ASTN2: variants seen among roughly 807,000 people sequenced by gnomAD.
ASTN2 encodes astrotactin 2.
Under a neutral mutation model 139.8 loss-of-function variants are expected in ASTN2, and 54 were observed. The observed-to-expected ratio is 0.39, with a 90% CI of 0.31 to 0.48. The LOEUF is 0.48. Ranked by LOEUF, ASTN2 falls within the 20% of genes least tolerant of loss-of-function variation. ASTN2 has a pLI of 0.95. For missense variants in ASTN2, 1,565 were observed against 1,725.1 expected, an observed-to-expected ratio of 0.91 and a Z score of 1.64; for synonymous variants, 756 against 719.5, an observed-to-expected ratio of 1.05 and a Z score of -0.81.
At chr9:117,014,886 A>T (rs902516427) in intron 6 of ASTN2, among the ~76,000 whole-genome samples, 13 of 152,130 alleles carry the variant, frequency 8.5e-5, no homozygotes, top group African/African-American at 2.9e-4. Context: ...TGACACCATG[A>T]TCTCAAACTT....
intron 7 of ASTN2, among the ~76,000 whole-genome samples, chr9:117,003,185 A>T (rs532851466): frequency 1.3e-5 from 2 of 152,284 alleles, no homozygotes; most frequent in African/African-American, 4.8e-5. Flanking sequence ...TAATTAAACT[A>T]ACAAATTTGG....
At chr9:116,427,063 C>T (rs1847331730) in intron 22 of ASTN2, among the ~76,000 whole-genome samples, 1 of 152,140 alleles carries the variant, frequency 6.6e-6, no homozygotes, top group Non-Finnish European at 1.5e-5. Context: ...GATCTGATGG[C>T]TGCACAGATA....
intron 7 of ASTN2, among the ~76,000 whole-genome samples, chr9:117,004,878 G>T (rs1320213559): frequency 6.6e-6 from 1 of 151,968 alleles, no homozygotes; most frequent in African/African-American, 2.4e-5. Flanking sequence ...TTTCTTTCTG[G>T]CTCCTGTTCT....
At chr9:117,346,309 A>G (rs915135474) in intron 1 of ASTN2, among the ~76,000 whole-genome samples, 3 of 152,204 alleles carry the variant, frequency 2.0e-5, no homozygotes, top group African/African-American at 7.2e-5. Context: ...TTCTGTGCTA[A>G]GTTTCTTGGA....
intron 10 of ASTN2, among the ~76,000 whole-genome samples, chr9:116,886,015 C>T (rs539836364): frequency 3.2e-4 from 49 of 152,292 alleles, no homozygotes; most frequent in African/African-American, 1.1e-3. Flanking sequence ...TTCTGTGCTA[C>T]TATTTAGAGA....
At chr9:117,201,126 T>G (rs935699782) in intron 3 of ASTN2, among the ~76,000 whole-genome samples, 3 of 151,736 alleles carry the variant, frequency 2.0e-5, no homozygotes, top group African/African-American at 7.3e-5. Context: ...TCCAGGAATT[T>G]ATTCATTTCT....
chr9:116,920,273 T>G (rs140455934), intron 10 of ASTN2, among the ~76,000 whole-genome samples: 157 of 152,268 alleles, frequency 1.0e-3, no homozygotes, highest in African/African-American at 3.7e-3. Flanking sequence ...CTCAGATGAG[T>G]AGGGCCAGCT....
At chr9:117,348,882 CAAAA>C (rs58386335) in intron 1 of ASTN2, among the ~76,000 whole-genome samples, 2 of 130,402 alleles carry the variant, frequency 1.5e-5, no homozygotes, top group African/African-American at 2.9e-5. Flanking sequence ...TGTCTCTGTC[CAAAA>C]AAAAAAAAAA....
chr9:117,260,412 T>C (rs1003492101), intron 2 of ASTN2, among the ~76,000 whole-genome samples: 1 of 152,198 alleles, frequency 6.6e-6, no homozygotes, highest in African/African-American at 2.4e-5. Flanking sequence ...GTGCCAAGAT[T>C]GAGGCAAGGT....
At chr9:117,354,638 C>A (rs921078413) in intron 1 of ASTN2, among the ~76,000 whole-genome samples, 6 of 152,174 alleles carry the variant, frequency 3.9e-5, no homozygotes, top group African/African-American at 1.4e-4. Flanking sequence ...CTTACTCCTT[C>A]CCACCAGACC....
At chr9:117,190,307 A>AAAAAC (rs970695822) in intron 3 of ASTN2, among the ~76,000 whole-genome samples, 100 of 152,326 alleles carry the variant, frequency 6.6e-4, no homozygotes, top group African/African-American at 2.1e-3. Context: ...GTAGGCAAGC[A>AAAAAC]AAAACAAAAC....
intron 10 of ASTN2, among the ~76,000 whole-genome samples, chr9:116,889,720 T>TACACACACACAC (rs9299242): frequency 9.5e-5 from 13 of 136,596 alleles, no homozygotes; most frequent in Admixed American, 1.5e-4. Context: ...ACCTTGTCTC[T>TACACACACACAC]ACACACACAC....
chr9:116,660,381 G>C (rs1279467586), intron 16 of ASTN2, among the ~76,000 whole-genome samples: 2 of 152,178 alleles, frequency 1.3e-5, no homozygotes, highest in African/African-American at 4.8e-5. Flanking sequence ...ACAGTGTTTT[G>C]CTTGAGTTTA....
chr9:116,962,551 A>G (rs1423544729), intron 10 of ASTN2, among the ~76,000 whole-genome samples: 1 of 152,212 alleles, frequency 6.6e-6, no homozygotes, highest in Non-Finnish European at 1.5e-5. Flanking sequence ...GAGAGATTGT[A>G]GTATATAGAC....
At chr9:117,002,569 A>T (rs1043540716) in intron 7 of ASTN2, among the ~76,000 whole-genome samples, 36 of 152,294 alleles carry the variant, frequency 2.4e-4, no homozygotes, top group African/African-American at 7.2e-4. Context: ...GTTTTTCTAG[A>T]TCTGCAAAAT....
At chr9:117,245,644 T>G (rs59541937) in intron 2 of ASTN2, among the ~76,000 whole-genome samples, 6,206 of 152,276 alleles carry the variant, frequency 0.041, 429 homozygotes, top group African/African-American at 0.14. Context: ...CTGAATGCAC[T>G]GGGTGATTCA....
At position 116,609,320 on chromosome 9, in the gene ASTN2, C is replaced by A. The variant is rs58041841; in HGVS notation, c.3355+9004G>T. 1.5e-3 allele frequency among the ~76,000 whole-genome samples: 185 copies of A among 120,754 alleles called. 1 individual carries two copies. The highest frequency in any genetic ancestry group is 3.2e-3 in the African/African-American group (90 of 28,226). 79.2% of individuals were successfully genotyped at this position (120,754 alleles called of 152,430 possible). ...GATCTCTCTCTCTCTCTCTCTCTCT[C>A]TCTCTCTCTATATATATATACACAC... On this transcript the variant is annotated intron_variant, in intron 19 of 22. Coordinates refer to ENST00000313400, the MANE Select transcript of ASTN2 (RefSeq NM_001365068.1).
chr9:116,459,307 G>A (rs67624512), intron 20 of ASTN2, among the ~76,000 whole-genome samples: 42,662 of 151,784 alleles, frequency 0.28, 6,547 homozygotes, highest in East Asian at 0.49. Flanking sequence ...CTATAAAACT[G>A]TAAGAAGAAG....
At chr9:116,818,575 A>G (rs976307894) in intron 12 of ASTN2, among the ~76,000 whole-genome samples, 1 of 152,120 alleles carries the variant, frequency 6.6e-6, no homozygotes, top group Admixed American at 6.6e-5. Context: ...CACCCATTCA[A>G]TCTTCTTTAA....
Sources: allele counts gnomAD v4.1 joint callset (sites outside exome capture counted in the v4.1 genomes callset), GRCh38; gene constraint gnomAD v4.1.1; transcripts MANE v1.5; gene names NCBI Gene and HGNC (gene_info 2026-07-23, HGNC 2026-07-21).